The following TRPS1 variants were observed in gnomAD, a reference collection of about 807,000 sequenced individuals.
The protein encoded by TRPS1 is transcriptional repressor GATA binding 1.
A neutral mutation model predicts 101.2 loss-of-function variants in TRPS1; 6 were observed. That is an observed-to-expected ratio of 0.06 (90% CI 0.03 to 0.12). The LOEUF is 0.12. Ranked by LOEUF, TRPS1 falls within the 10% of genes least tolerant of loss-of-function variation. The pLI is 1.00. For synonymous variants in TRPS1, 578 were observed against 589.8 expected (o/e 0.98, Z 0.29); for missense variants, 1,363 against 1,567.0 (o/e 0.87, Z 2.20).
At chr8:115,613,596 C>G (rs912319626) in intron 3 of TRPS1, among the ~76,000 whole-genome samples, 1 of 152,202 alleles carries the variant, frequency 6.6e-6, no homozygotes, top group Non-Finnish European at 1.5e-5. Context: ...ATCCCATTCT[C>G]TCTACTTATG....
At chr8:115,608,233 A>T (rs1483053217) in intron 3 of TRPS1, among the ~76,000 whole-genome samples, 1 of 152,182 alleles carries the variant, frequency 6.6e-6, no homozygotes, top group East Asian at 1.9e-4. Context: ...AACTTTAATT[A>T]TAACCCTTTA....
intron 5 of TRPS1, among the ~76,000 whole-genome samples, chr8:115,535,276 C>CATATATAGCAT (rs1309154017): frequency 2.7e-5 from 3 of 111,262 alleles, no homozygotes; most frequent in Admixed American, 9.1e-5. Flanking sequence ...ATATATATAG[C>CATATATAGCAT]ATATATAGCA....
intron 4 of TRPS1, among the ~76,000 whole-genome samples, chr8:115,595,647 C>T (rs1817769139): frequency 6.6e-6 from 1 of 151,694 alleles, no homozygotes; most frequent in South Asian, 2.1e-4. Flanking sequence ...TAAACATTCC[C>T]TACAAAATGT....
intron 5 of TRPS1, among the ~76,000 whole-genome samples, chr8:115,478,500 C>A (rs949638696): frequency 4.6e-5 from 7 of 152,166 alleles, no homozygotes; most frequent in Admixed American, 3.9e-4. Flanking sequence ...TTAGAAAATT[C>A]TACTTTAAAA....
intron 5 of TRPS1, among the ~76,000 whole-genome samples, chr8:115,442,672 G>A (rs1228115824): frequency 6.6e-6 from 1 of 151,654 alleles, no homozygotes; most frequent in South Asian, 2.1e-4. Context: ...TTAAAAATTG[G>A]GTGATTTGAC....
intron 5 of TRPS1, among the ~76,000 whole-genome samples, chr8:115,528,287 T>A (rs763399309): frequency 1.1e-4 from 16 of 152,084 alleles, no homozygotes; most frequent in Non-Finnish European, 2.2e-4. Flanking sequence ...CTATTTATCA[T>A]AGGAAATGAG....
chr8:115,438,098 T>G lies in TRPS1; in HGVS notation c.2701-19646A>C, dbSNP rs1253768844. ...AGTCAAATTTAAAAAAATAGGAAAC[T>G]GCAAGGTTCACTTACTCCCTAAAGC... On this transcript the variant is annotated intron_variant, in intron 5 of 6. Coordinates refer to ENST00000395715, the MANE Select transcript of TRPS1 (RefSeq NM_014112.5). Among the ~76,000 whole-genome samples, 6 of 152,210 alleles carry G rather than the reference T, an allele frequency of 3.9e-5. No homozygotes were observed. The South Asian group carries it at 8.3e-4, about 21-fold the overall frequency.
intron 1 of TRPS1, among the ~76,000 whole-genome samples, chr8:115,649,627 C>T (rs1166560200): frequency 6.6e-6 from 1 of 152,220 alleles, no homozygotes; most frequent in Non-Finnish European, 1.5e-5. Context: ...CAACCTAGCT[C>T]ACCTATGGCC....
At chr8:115,650,844 G>A (rs1196137259) in intron 1 of TRPS1, among the ~76,000 whole-genome samples, 1 of 152,126 alleles carries the variant, frequency 6.6e-6, no homozygotes, top group African/African-American at 2.4e-5. Context: ...GCATCTCAAA[G>A]CAACATTACC....
In TRPS1 at chr8:115,608,958, C is replaced by T. The variant is rs79914402; in HGVS notation, c.967-3956G>A. 7.5e-5 allele frequency among the ~76,000 whole-genome samples: 11 copies of T among 147,288 alleles called. No homozygotes were observed. The East Asian group carries it at 1.9e-3, about 26-fold the overall frequency. On this transcript the variant is annotated intron_variant, in intron 3 of 6. Transcript: ENST00000395715. ...CCTCCTGGGCTCAAGTGAATCTTCCCACCTTAGCCTCCAGAGTAGCTGAGA... is the reference window on the plus strand; with the variant it reads ...CCTCCTGGGCTCAAGTGAATCTTCCTACCTTAGCCTCCAGAGTAGCTGAGA...
rs531547756 is a variant in TRPS1 at position 115,552,850 on chromosome 8, C to T, written c.2700+34151G>A. The stretch of plus-strand genomic sequence containing the variant: ...TATTTGTCAGCAATTCCCCCCACCC[C>T]CTAAAGCCCTCTTACCTTCAAACTT... On this transcript the variant is annotated intron_variant, in intron 5 of 6. Coordinates refer to ENST00000395715, the MANE Select transcript of TRPS1 (RefSeq NM_014112.5). 3.3e-5 allele frequency among the ~76,000 whole-genome samples: 5 copies of T among 152,014 alleles called. No homozygotes were observed. In the East Asian group the frequency reaches 7.7e-4, roughly 23 times the overall value.
chr8:115,495,505 T>C (rs1044192330), intron 5 of TRPS1, among the ~76,000 whole-genome samples: 11 of 149,810 alleles, frequency 7.3e-5, no homozygotes, highest in Non-Finnish European at 1.6e-4. Flanking sequence ...ATTTATATCA[T>C]ATATAAATTA....
intron 5 of TRPS1, among the ~76,000 whole-genome samples, chr8:115,462,157 A>G (rs1814196725): frequency 6.6e-6 from 1 of 152,218 alleles, no homozygotes. Context: ...CAAAGTCTCA[A>G]CAATACCCTG....
At chr8:115,532,120 A>G (rs944945189) in intron 5 of TRPS1, among the ~76,000 whole-genome samples, 1 of 152,212 alleles carries the variant, frequency 6.6e-6, no homozygotes, top group Non-Finnish European at 1.5e-5. Flanking sequence ...CGATATACAG[A>G]TTAGATAATC....
At chr8:115,492,295 C>T in intron 5 of TRPS1, 1 of 455,628 alleles carries the variant, frequency 2.2e-6, no homozygotes, top group Non-Finnish European at 4.4e-6. Context: ...GTCCAGGCAA[C>T]AACTAGATAT....
At chr8:115,612,096 G>A (rs955062272) in intron 3 of TRPS1, among the ~76,000 whole-genome samples, 1 of 149,730 alleles carries the variant, frequency 6.7e-6, no homozygotes, top group Non-Finnish European at 1.5e-5. Flanking sequence ...AAAGGAAGGA[G>A]GATGAAAAAA....
intron 3 of TRPS1, 105 bp from the exon 4 acceptor site, chr8:115,605,107 A>G: frequency 1.0e-6 from 1 of 997,362 alleles, no homozygotes. Flanking sequence ...ATCAAAAAAT[A>G]CAATAGTACT....
At position 115,620,068 on chromosome 8, in the gene TRPS1, G is replaced by T. The variant is rs2130534345; in HGVS notation, c.38-8C>A. On this transcript the variant is annotated splice_region_variant and splice_polypyrimidine_tract_variant and intron_variant, in intron 2 of 6. Transcript: ENST00000395715. ...TCTTTTTCCGGACCATATCTGCAAA[G>T]ATAAAGGGAAAAGGCAGATACAGTG... The T allele has an allele frequency of 6.2e-7, 1 of 1,613,618 alleles. No individual in the cohort carries two copies. Among genetic ancestry groups the T allele is most frequent in the Non-Finnish European group, 8.5e-7 (1 of 1,179,786 alleles).
chr8:115,449,694 A>C (rs1193508473), intron 5 of TRPS1, among the ~76,000 whole-genome samples: 1 of 152,186 alleles, frequency 6.6e-6, no homozygotes, highest in African/African-American at 2.4e-5. Context: ...CAATCTACAG[A>C]GATGAAGAGC....
Sources: gnomAD v4.1 joint callset for allele counts (sites outside exome capture counted in the v4.1 genomes callset) on GRCh38, gnomAD v4.1.1 for gene constraint, MANE v1.5 for transcripts, NCBI Gene and HGNC (gene_info 2026-07-23, HGNC 2026-07-21) for gene names.